The following GRIK1 variants were observed in gnomAD, a reference collection of about 807,000 sequenced individuals.
GRIK1 encodes glutamate ionotropic receptor kainate type subunit 1, also known as glutamate receptor ionotropic, kainate 1.
In GRIK1, 69 loss-of-function variants were observed where a neutral mutation model predicts 105.7. The ratio of observed to expected loss-of-function variants is 0.65; its 90% CI spans 0.54 to 0.80. GRIK1 has a LOEUF of 0.80. Among genes scored for constraint, GRIK1 ranks in the 30% least tolerant of loss-of-function variants. GRIK1 has a pLI of 0.00. For missense variants in GRIK1, 1,109 were observed against 1,167.3 expected (o/e 0.95, Z 0.73); for synonymous variants, 438 against 431.3 (o/e 1.02, Z -0.19).
intron 10 of GRIK1, 122 bp downstream of exon 10, chr21:29,590,990 C>T: frequency 1.4e-6 from 1 of 718,650 alleles, no homozygotes; most frequent in East Asian, 2.5e-5. Context: ...CTTTTAGTGT[C>T]CTAGTTAAAA....
intron 4 of GRIK1, among the ~76,000 whole-genome samples, chr21:29,670,660 G>T (rs2063145617): frequency 6.6e-6 from 1 of 152,196 alleles, no homozygotes; most frequent in South Asian, 2.1e-4. Context: ...TGTAACAGAA[G>T]TCCTCAGCCT....
chr21:29,734,494 G>A (rs750077135), intron 1 of GRIK1, among the ~76,000 whole-genome samples: 10 of 151,536 alleles, frequency 6.6e-5, no homozygotes, highest in Admixed American at 4.6e-4. Flanking sequence ...CTGCAGCCTC[G>A]ACTCCAGTGA....
At chr21:29,681,897 G>A (rs776801712) in intron 3 of GRIK1, among the ~76,000 whole-genome samples, 6 of 152,204 alleles carry the variant, frequency 3.9e-5, no homozygotes, top group African/African-American at 7.2e-5. Context: ...CTACCAGGGT[G>A]GCATCACGAT....
intron 1 of GRIK1, among the ~76,000 whole-genome samples, chr21:29,797,300 A>T (rs2066586261): frequency 6.6e-6 from 1 of 152,218 alleles, no homozygotes; most frequent in South Asian, 2.1e-4. Flanking sequence ...ATCAGTGGCC[A>T]GAGAATAATT....
chr21:29,905,083 G>A (rs1025958294), intron 1 of GRIK1, among the ~76,000 whole-genome samples: 2 of 152,188 alleles, frequency 1.3e-5, no homozygotes, highest in Non-Finnish European at 2.9e-5. Flanking sequence ...CAGAGGGTCA[G>A]AGTGCCATTA....
rs576578690 is a variant in GRIK1 at position 29,549,830 on chromosome 21, G to A, written c.2607+5222C>T. Among the ~76,000 whole-genome samples the A allele has an allele frequency of 3.0e-4, 46 of 152,188 alleles. No homozygotes were observed. The South Asian group carries it at 3.5e-3, about 12-fold the overall frequency. The stretch of plus-strand genomic sequence containing the variant: ...GGGAGAAAGAGAAGAGTGTGGGCTG[G>A]GCGCGGAGGCTTATGGCTGTAATCT... On this transcript the variant is annotated intron_variant, in intron 16 of 17. Coordinates refer to ENST00000327783, the MANE Select transcript of GRIK1 (RefSeq NM_001330994.2).
At chr21:29,938,624 G>A (rs1430358296) in intron 1 of GRIK1, among the ~76,000 whole-genome samples, 2 of 152,056 alleles carry the variant, frequency 1.3e-5, no homozygotes, top group East Asian at 1.9e-4. Flanking sequence ...TATCTCATTC[G>A]AGATCAGAGC....
chr21:29,867,906 G>GAGAA (rs1473727884), intron 1 of GRIK1, among the ~76,000 whole-genome samples: 1 of 134,342 alleles, frequency 7.4e-6, no homozygotes, highest in Non-Finnish European at 1.5e-5. Flanking sequence ...GAGAGAGAAA[G>GAGAA]AAAGAGAGAG....
At chr21:29,929,087 A>G (rs2071480671) in intron 1 of GRIK1, among the ~76,000 whole-genome samples, 1 of 152,194 alleles carries the variant, frequency 6.6e-6, no homozygotes, top group African/African-American at 2.4e-5. Flanking sequence ...CATCCCAATG[A>G]CAATAAAATA....
intron 14 of GRIK1, among the ~76,000 whole-genome samples, chr21:29,573,465 C>T (rs1038272123): frequency 2.6e-5 from 4 of 152,100 alleles, no homozygotes; most frequent in African/African-American, 7.2e-5. Context: ...AGGGGCTGGG[C>T]GCAGTGGCTC....
chr21:29,786,631 G>A (rs1012611296), intron 1 of GRIK1, among the ~76,000 whole-genome samples: 4 of 152,070 alleles, frequency 2.6e-5, no homozygotes, highest in African/African-American at 9.7e-5. Flanking sequence ...AGTCTCTCTG[G>A]TATTGCCACA....
intron 1 of GRIK1, among the ~76,000 whole-genome samples, chr21:29,838,387 G>A (rs1160224186): frequency 2.0e-5 from 3 of 152,104 alleles, no homozygotes; most frequent in African/African-American, 7.2e-5. Context: ...TTCCTCATTG[G>A]CCATTTAGCT....
At chr21:29,734,800 A>G (rs546944680) in intron 1 of GRIK1, among the ~76,000 whole-genome samples, 2 of 152,224 alleles carry the variant, frequency 1.3e-5, no homozygotes, top group Non-Finnish European at 2.9e-5. Flanking sequence ...TGACCTCTGC[A>G]TTCTGTTTCC....
chr21:29,681,335 A>G (rs553353466), intron 3 of GRIK1, among the ~76,000 whole-genome samples: 25 of 152,066 alleles, frequency 1.6e-4, no homozygotes, highest in Admixed American at 6.5e-4. Flanking sequence ...AGCTCTTCCA[A>G]TGGTTTACAA....
chr21:29,775,230 T>C (rs1207476793), intron 1 of GRIK1, among the ~76,000 whole-genome samples: 3 of 146,454 alleles, frequency 2.0e-5, no homozygotes, highest in African/African-American at 7.6e-5. Context: ...GAGCAGAGAT[T>C]GCGCCACTGC....
chr21:29,926,141 T>C (rs541318081), intron 1 of GRIK1, among the ~76,000 whole-genome samples: 1 of 151,922 alleles, frequency 6.6e-6, no homozygotes, highest in African/African-American at 2.4e-5. Context: ...TATGTATAGT[T>C]TAACATATTT....
At chr21:29,635,372 T>C (rs2062375278) in intron 7 of GRIK1, among the ~76,000 whole-genome samples, 1 of 152,170 alleles carries the variant, frequency 6.6e-6, no homozygotes, top group Non-Finnish European at 1.5e-5. Context: ...AGGTGATTGC[T>C]GAAGAGACTT....
chr21:29,737,632 A>T (rs1376218013), intron 1 of GRIK1, among the ~76,000 whole-genome samples: 1 of 152,246 alleles, frequency 6.6e-6, no homozygotes, highest in East Asian at 1.9e-4. Flanking sequence ...TACTCACTTC[A>T]AATCTCATGC....
intron 1 of GRIK1, among the ~76,000 whole-genome samples, chr21:29,929,703 T>C (rs1453455426): frequency 6.6e-6 from 1 of 152,240 alleles, no homozygotes; most frequent in Non-Finnish European, 1.5e-5. Flanking sequence ...AGGCAACTCT[T>C]ACATGCTGTT....
Sources: allele counts gnomAD v4.1 joint callset (sites outside exome capture counted in the v4.1 genomes callset), GRCh38; gene constraint gnomAD v4.1.1; transcripts MANE v1.5; gene names NCBI Gene and HGNC (gene_info 2026-07-23, HGNC 2026-07-21).